The following CAMTA1 variants were observed in gnomAD, a reference collection of about 807,000 sequenced individuals.
CAMTA1 encodes calmodulin binding transcription activator 1, also known as calmodulin-binding transcription activator 1.
A neutral mutation model predicts 170.9 loss-of-function variants in CAMTA1; 27 were observed. The ratio of observed to expected loss-of-function variants is 0.16; its 90% CI spans 0.12 to 0.22. The LOEUF (loss-of-function observed/expected upper bound fraction) is 0.22, where lower values mean the gene tolerates loss of function less well. CAMTA1 is among the 10% of genes least tolerant of loss of function. CAMTA1 has a pLI of 1.00. For synonymous variants in CAMTA1, 833 were observed against 891.5 expected (o/e 0.93, Z 1.17); for missense variants, 1,619 against 2,217.2 (o/e 0.73, Z 5.42).
chr1:7,145,105 G>A (rs556313829), intron 4 of CAMTA1, among the ~76,000 whole-genome samples: 1 of 152,326 alleles, frequency 6.6e-6, no homozygotes, highest in African/African-American at 2.4e-5. Flanking sequence ...CAGGGGACGA[G>A]GGGCAGACTG....
chr1:6,785,486 G>T lies in CAMTA1; in HGVS notation c.-45G>T, dbSNP rs1004750068. 1 of 1,018,656 alleles carries T rather than the reference G, an allele frequency of 9.8e-7. No individual in the cohort carries two copies. The highest frequency in any genetic ancestry group is 4.4e-5 in the South Asian group (1 of 22,776). The allele number at this position is 1,018,656 out of a possible 1,614,324, so 63.1% of individuals were successfully genotyped here. On this transcript the variant is annotated 5_prime_UTR_variant, in exon 1 of 23. Transcript: ENST00000303635. ...GGGTGGCTGGGCCGGCGGCGGCGGC[G>T]GTACGAGGCGCGCGCTCGGGGTCCC... is the stretch of plus-strand genomic sequence containing the variant.
At chr1:7,579,813 G>C (rs1185491689) in intron 6 of CAMTA1, among the ~76,000 whole-genome samples, 1 of 152,134 alleles carries the variant, frequency 6.6e-6, no homozygotes, top group East Asian at 1.9e-4. Flanking sequence ...ACCAGCCTCG[G>C]CTTCCCCAAG....
rs2094523118 is a variant in CAMTA1, at chr1:7,534,170, T to C, written c.510+66269T>C. 6.6e-6 allele frequency among the ~76,000 whole-genome samples: 1 copy of C among 152,178 alleles called. No individual in the cohort carries two copies. Among genetic ancestry groups the C allele is most frequent in the South Asian group, 2.1e-4 (1 of 4,832 alleles). Reference sequence around the variant, plus strand: ...TCTGCCAATACAAAGCCATACATCTTGGTGTGTGACAAATCACTTTTTAAT... The same window carrying C: ...TCTGCCAATACAAAGCCATACATCTCGGTGTGTGACAAATCACTTTTTAAT... On this transcript the variant is annotated intron_variant, in intron 6 of 22. Coordinates refer to ENST00000303635, the MANE Select transcript of CAMTA1 (RefSeq NM_015215.4). The surrounding 1 kb of genome is among the most constrained non-coding windows in gnomAD (Gnocchi z 5.6).
chr1:7,736,479 C>T lies in CAMTA1; in HGVS notation c.3202C>T (p.Leu1068=). 6.2e-7 allele frequency: 1 copy of T among 1,614,156 alleles called. No individual in the cohort carries two copies. The highest frequency in any genetic ancestry group is 2.2e-5 in the East Asian group (1 of 44,862). ...CTCAAAGACTTTCCGCGGAATGACCCTACTCCACCTGGCCGCTGCCCAGGG... is the reference window on the plus strand; with the variant it reads ...CTCAAAGACTTTCCGCGGAATGACCTTACTCCACCTGGCCGCTGCCCAGGG... ...IHSKTFRGMT[L]LHLAAAQGYA... is the part of the protein sequence containing the mutation. The change falls in exon 13 of 23, where the codon CTA becomes TTA. Residue 1068 remains leucine, a synonymous_variant. Transcript: ENST00000303635. This position sits in a 1 kb window ranked among gnomAD's most constrained non-coding sequence, Gnocchi z 4.5.
intron 4 of CAMTA1, among the ~76,000 whole-genome samples, chr1:7,091,928 A>G (rs1641517458): frequency 6.6e-6 from 1 of 152,222 alleles, no homozygotes; most frequent in African/African-American, 2.4e-5. Context: ...ATTAGTGAAA[A>G]TATAGCTGAC....
At chr1:7,423,150 G>A (rs1000958915) in intron 5 of CAMTA1, among the ~76,000 whole-genome samples, 6 of 152,172 alleles carry the variant, frequency 3.9e-5, no homozygotes, top group Non-Finnish European at 5.9e-5. Context: ...GCCTGGCCCC[G>A]GGCCAAGCCT....
Position 7,642,158 on chromosome 1 carries a change from C to T in CAMTA1, c.664+1605C>T, listed in dbSNP as rs892317114. Among the ~76,000 whole-genome samples, 66 of 152,312 alleles carry T rather than the reference C, an allele frequency of 4.3e-4. No individual in the cohort carries two copies. Among genetic ancestry groups the T allele is most frequent in the African/African-American group, 1.5e-3 (63 of 41,566 alleles). ...CTGTGCCCTGGCCTCCTCGAGCCCCCACGGGGGAGATGTCAGCTTCCCGCG... is the reference window on the plus strand; with the variant it reads ...CTGTGCCCTGGCCTCCTCGAGCCCCTACGGGGGAGATGTCAGCTTCCCGCG... On this transcript the variant is annotated intron_variant, in intron 7 of 22. Coordinates refer to ENST00000303635, the MANE Select transcript of CAMTA1 (RefSeq NM_015215.4). This position sits in a 1 kb window ranked among gnomAD's most constrained non-coding sequence, Gnocchi z 6.3.
intron 6 of CAMTA1, among the ~76,000 whole-genome samples, chr1:7,614,250 C>A (rs932842016): frequency 6.6e-6 from 1 of 152,060 alleles, no homozygotes; most frequent in African/African-American, 2.4e-5. Context: ...TGAGAGGGGG[C>A]TCCTCCCAGA....
intron 3 of CAMTA1, among the ~76,000 whole-genome samples, chr1:7,069,708 CAG>C (rs1440652410): frequency 4.6e-5 from 7 of 151,764 alleles, no homozygotes; most frequent in Non-Finnish European, 8.8e-5. Flanking sequence ...GGAGTGGGAA[CAG>C]GGGACTGGCA....
At chr1:7,714,791 G>A (rs572188694) in intron 11 of CAMTA1, among the ~76,000 whole-genome samples, 10 of 152,172 alleles carry the variant, frequency 6.6e-5, no homozygotes, top group African/African-American at 1.9e-4. Context: ...CAAAATGCTG[G>A]GATTACAGGT....
intron 3 of CAMTA1, among the ~76,000 whole-genome samples, chr1:7,000,916 T>C (rs940389577): frequency 2.6e-5 from 4 of 152,216 alleles, no homozygotes; most frequent in African/African-American, 7.2e-5. Flanking sequence ...ACAGGTCCCA[T>C]TGCTCTCAGA....
intron 4 of CAMTA1, among the ~76,000 whole-genome samples, chr1:7,107,301 T>TGTGCGC (rs765615131): frequency 6.6e-6 from 1 of 151,046 alleles, no homozygotes; most frequent in African/African-American, 2.4e-5. Flanking sequence ...TGTGTGTGTG[T>TGTGCGC]GCGCGCCCAC....
intron 4 of CAMTA1, among the ~76,000 whole-genome samples, chr1:7,184,034 G>A (rs1386721456): frequency 6.6e-6 from 1 of 152,096 alleles, no homozygotes; most frequent in Non-Finnish European, 1.5e-5. Flanking sequence ...CTACACAATG[G>A]CGCACTATTC....
chr1:7,556,698 G>A (rs1351158227), intron 6 of CAMTA1, among the ~76,000 whole-genome samples: 2 of 152,028 alleles, frequency 1.3e-5, no homozygotes, highest in African/African-American at 4.8e-5. Flanking sequence ...CGTCTGCCTG[G>A]GCCATCCACC....
chr1:7,002,823 C>T (rs1698428775), intron 3 of CAMTA1, among the ~76,000 whole-genome samples: 1 of 152,162 alleles, frequency 6.6e-6, no homozygotes, highest in African/African-American at 2.4e-5. Flanking sequence ...AAAGAGGGAA[C>T]GTGCCGGTTT....
Position 7,325,839 on chromosome 1 carries a change from T to G in CAMTA1, c.438+76213T>G, listed in dbSNP as rs1366740907. ...GGGCAGATCCAGGTTTGGTTTGTTGTTGGTGGGTTTTTTTGTTTGTTTGTT... is the reference window on the plus strand; with the variant it reads ...GGGCAGATCCAGGTTTGGTTTGTTGGTGGTGGGTTTTTTTGTTTGTTTGTT... On this transcript the variant is annotated intron_variant, in intron 5 of 22. Coordinates refer to ENST00000303635, the MANE Select transcript of CAMTA1 (RefSeq NM_015215.4). The surrounding 1 kb of genome is among the most constrained non-coding windows in gnomAD (Gnocchi z 5.0). Among the ~76,000 whole-genome samples the G allele has an allele frequency of 6.8e-6, 1 of 148,092 alleles. No individual in the cohort carries two copies. The highest frequency in any genetic ancestry group is 2.0e-4 in the East Asian group (1 of 5,106).
intron 5 of CAMTA1, among the ~76,000 whole-genome samples, chr1:7,359,105 G>A (rs2085348277): frequency 6.6e-6 from 1 of 152,222 alleles, no homozygotes; most frequent in Non-Finnish European, 1.5e-5. Context: ...GGGGCTCTAG[G>A]TGGGACAGGT....
At position 6,965,487 on chromosome 1, in the gene CAMTA1, G is replaced by GC. The variant is rs1221173587; in HGVS notation, c.235-125811dup. Among the ~76,000 whole-genome samples the GC allele has an allele frequency of 5.9e-5, 9 of 152,092 alleles. No individual in the cohort carries two copies. Among genetic ancestry groups the GC allele is most frequent in the Admixed American group, 1.3e-4 (2 of 15,264 alleles). On this transcript the variant is annotated intron_variant, in intron 3 of 22. Transcript: ENST00000303635. This position sits in a 1 kb window ranked among gnomAD's most constrained non-coding sequence, Gnocchi z 4.1. ...GGGGGAAGGTAAATGTGGTTTATTA[G>GC]CCCCCCTGGCTCAGAGGGGGCTGGG...
chr1:7,406,505 C>A (rs2090298218), intron 5 of CAMTA1, among the ~76,000 whole-genome samples: 1 of 152,108 alleles, frequency 6.6e-6, no homozygotes, highest in South Asian at 2.1e-4. Flanking sequence ...ACAACAATAT[C>A]CATGGCTTTG....
Sources: allele counts gnomAD v4.1 joint callset (sites outside exome capture counted in the v4.1 genomes callset), GRCh38; gene constraint gnomAD v4.1.1; non-coding constraint Gnocchi (gnomAD v3.1); transcripts MANE v1.5; gene names NCBI Gene and HGNC (gene_info 2026-07-23, HGNC 2026-07-21).